The following CTNNA2 variants were observed in gnomAD, a reference collection of about 807,000 sequenced individuals.
CTNNA2 encodes catenin alpha-2.
In CTNNA2, 42 loss-of-function variants were observed where a neutral mutation model predicts 101.0. That is an observed-to-expected ratio of 0.42 (90% CI 0.32 to 0.54). The LOEUF is 0.54. CTNNA2 is among the 20% of genes least tolerant of loss of function. The probability of loss-of-function intolerance (pLI) is 0.14; values close to 1 mark genes in which losing one functional copy is unlikely to be tolerated. For synonymous variants in CTNNA2, 450 were observed against 456.4 expected, an observed-to-expected ratio of 0.99 and a Z score of 0.18; for missense variants, 871 against 1,223.1, an observed-to-expected ratio of 0.71 and a Z score of 4.29.
chr2:80,643,958 C>A (rs1673767268), intron 18 of CTNNA2, among the ~76,000 whole-genome samples: 2 of 152,120 alleles, frequency 1.3e-5, no homozygotes, highest in Non-Finnish European at 2.9e-5. Context: ...TCAGACATAG[C>A]CATGATGTTA....
intron 4 of CTNNA2, among the ~76,000 whole-genome samples, chr2:79,414,490 A>G (rs1678454525): frequency 6.6e-6 from 1 of 152,026 alleles, no homozygotes. Flanking sequence ...AAACATAATA[A>G]TTCCTTGGTA....
intron 7 of CTNNA2, among the ~76,000 whole-genome samples, chr2:80,095,293 G>A (rs1418418768): frequency 1.3e-5 from 2 of 152,108 alleles, no homozygotes; most frequent in South Asian, 2.1e-4. Context: ...CTGTTTATAT[G>A]CTGGATTACG....
chr2:80,176,573 G>A (rs2148971708), intron 7 of CTNNA2, among the ~76,000 whole-genome samples: 1 of 152,286 alleles, frequency 6.6e-6, no homozygotes, highest in East Asian at 1.9e-4. Flanking sequence ...ACCTGGTGGA[G>A]TGACACAAAC....
intron 9 of CTNNA2, among the ~76,000 whole-genome samples, chr2:80,537,977 C>T (rs142651060): frequency 0.014 from 2,072 of 152,224 alleles, 50 homozygotes; most frequent in African/African-American, 0.047. Flanking sequence ...TCTCTAATGA[C>T]CAGTGATGAT....
chr2:80,494,449 A>AT (rs1341213842), intron 9 of CTNNA2, among the ~76,000 whole-genome samples: 7 of 152,132 alleles, frequency 4.6e-5, no homozygotes, highest in African/African-American at 1.4e-4. Flanking sequence ...GTTTTTAATG[A>AT]CTTTTTATAA....
At chr2:79,562,743 A>C (rs377185863) in intron 1 of CTNNA2, among the ~76,000 whole-genome samples, 2 of 152,098 alleles carry the variant, frequency 1.3e-5, no homozygotes, top group African/African-American at 4.8e-5. Context: ...CACTCATGCA[A>C]TTATGCAAAT....
At chr2:79,750,951 T>A (rs912841372) in intron 3 of CTNNA2, among the ~76,000 whole-genome samples, 1 of 152,050 alleles carries the variant, frequency 6.6e-6, no homozygotes, top group African/African-American at 2.4e-5. Flanking sequence ...TGGATAGATA[T>A]ATCCTATGCT....
intron 1 of CTNNA2, among the ~76,000 whole-genome samples, chr2:79,567,749 G>C (rs17765034): frequency 0.049 from 7,484 of 152,144 alleles, 225 homozygotes; most frequent in Non-Finnish European, 0.069. Flanking sequence ...GTAGAGCCAA[G>C]GGATGTATTC....
intron 7 of CTNNA2, among the ~76,000 whole-genome samples, chr2:80,239,466 T>A (rs942255933): frequency 6.6e-6 from 1 of 152,214 alleles, no homozygotes; most frequent in Non-Finnish European, 1.5e-5. Flanking sequence ...CCCCCTCTTA[T>A]CCACGGGGAA....
At chr2:80,317,643 G>GCCC (rs1164257353) in intron 7 of CTNNA2, among the ~76,000 whole-genome samples, 19 of 152,100 alleles carry the variant, frequency 1.2e-4, no homozygotes, top group Non-Finnish European at 2.2e-4. Context: ...ACTCCTCTCG[G>GCCC]CCCCCTTCTA....
At chr2:79,651,439 GA>G in intron 1 of CTNNA2, 112 bp from the exon 2 acceptor site, 1 of 959,194 alleles carries the variant, frequency 1.0e-6, no homozygotes, top group Non-Finnish European at 1.6e-6. Flanking sequence ...TTGGACCAGA[GA>G]GGCTATCTTC....
intron 2 of CTNNA2, among the ~76,000 whole-genome samples, chr2:79,684,605 T>C (rs577251529): frequency 5.5e-4 from 84 of 152,324 alleles, no homozygotes; most frequent in African/African-American, 1.9e-3. Context: ...AAGACAGTTA[T>C]TTTCATGAAG....
At chr2:79,823,486 G>C (rs1036893811) in intron 3 of CTNNA2, among the ~76,000 whole-genome samples, 6 of 151,930 alleles carry the variant, frequency 3.9e-5, no homozygotes, top group African/African-American at 1.5e-4. Flanking sequence ...TCACTGCACT[G>C]CAGCCTGGGT....
chr2:80,317,825 A>C (rs956560569), intron 7 of CTNNA2, among the ~76,000 whole-genome samples: 2 of 152,154 alleles, frequency 1.3e-5, no homozygotes, highest in Non-Finnish European at 2.9e-5. Flanking sequence ...GGGAATAGGC[A>C]ATCATCAGCT....
At chr2:80,409,735 C>T (rs1038274978) in intron 8 of CTNNA2, among the ~76,000 whole-genome samples, 3 of 152,254 alleles carry the variant, frequency 2.0e-5, no homozygotes, top group African/African-American at 7.2e-5. Context: ...GAGCTAATTG[C>T]ATTAGTATCT....
intron 1 of CTNNA2, among the ~76,000 whole-genome samples, chr2:79,193,319 C>A (rs1673899291): frequency 6.6e-6 from 1 of 152,082 alleles, no homozygotes; most frequent in South Asian, 2.1e-4. Flanking sequence ...TGACTGTGGT[C>A]CCATGAGATT....
chr2:80,604,663 C>T (rs1311109664), intron 16 of CTNNA2, among the ~76,000 whole-genome samples: 8 of 151,828 alleles, frequency 5.3e-5, no homozygotes, highest in Non-Finnish European at 1.0e-4. Context: ...TTCTGTTGCC[C>T]CCAGGAAATT....
At position 80,097,782 on chromosome 2, in the gene CTNNA2, T is replaced by G. The variant is rs149699422; in HGVS notation, c.1056+187985T>G. Among the ~76,000 whole-genome samples the G allele has an allele frequency of 9.5e-3, 1,443 of 152,342 alleles. 21 individuals are homozygous for G. The highest frequency in any genetic ancestry group is 0.033 in the African/African-American group (1,381 of 41,580). The stretch of plus-strand genomic sequence containing the variant: ...CGTCTTCCATCGCTGATACCCTTTC[T>G]TCCAGTTGATCGCATTGCCTACTGA... On this transcript the variant is annotated intron_variant, in intron 7 of 18. Transcript: ENST00000402739.
intron 2 of CTNNA2, among the ~76,000 whole-genome samples, chr2:79,306,290 T>C (rs1676245351): frequency 6.6e-6 from 1 of 152,158 alleles, no homozygotes; most frequent in African/African-American, 2.4e-5. Flanking sequence ...AAGGATCTAT[T>C]GTACATCATG....
Sources: gnomAD v4.1 joint callset for allele counts (sites outside exome capture counted in the v4.1 genomes callset) on GRCh38, gnomAD v4.1.1 for gene constraint, MANE v1.5 for transcripts, NCBI Gene and HGNC (gene_info 2026-07-23, HGNC 2026-07-21) for gene names.